The following CKAP5 variants were observed in gnomAD, a reference collection of about 807,000 sequenced individuals.
CKAP5 encodes cytoskeleton-associated protein 5.
Under a neutral mutation model 232.8 loss-of-function variants are expected in CKAP5, and 27 were observed. The observed-to-expected ratio is 0.12, with a 90% CI of 0.09 to 0.16. The LOEUF is 0.16. Among genes scored for constraint, CKAP5 ranks in the 10% least tolerant of loss-of-function variants. The probability of loss-of-function intolerance (pLI) is 1.00; values close to 1 mark genes in which losing one functional copy is unlikely to be tolerated. For synonymous variants in CKAP5, 785 were observed against 841.1 expected (o/e 0.93, Z 1.16); for missense variants, 1,838 against 2,424.7 (o/e 0.76, Z 5.08).
At chr11:46,790,370 A>G (rs1308208469) in intron 14 of CKAP5, 100 bp downstream of exon 14, 4 of 933,974 alleles carry the variant, frequency 4.3e-6, no homozygotes, top group Non-Finnish European at 6.7e-6. Context: ...AAAAATATCA[A>G]TTAACTGTAC....
Position 46,770,875 on chromosome 11 carries a change from A to G in CKAP5, c.3099T>C (p.Asp1033=), listed in dbSNP as rs762806555. The change falls in exon 25 of 44, where the codon GAT becomes GAC. Residue 1033 remains aspartate (D), a synonymous_variant. Transcript: ENST00000529230. ...LYSCLEDRNG[D]VRKKAQDALP... ...AGGCATCTTGGGCCTTCTTTCGCACATCTCCATTTCGATCTTCTAGGCAGG... is the reference window on the plus strand; with the variant it reads ...AGGCATCTTGGGCCTTCTTTCGCACGTCTCCATTTCGATCTTCTAGGCAGG... 16 of 1,614,050 alleles carry G rather than the reference A, an allele frequency of 9.9e-6. No individual in the cohort carries two copies. Among genetic ancestry groups the G allele is most frequent in the African/African-American group, 2.7e-5 (2 of 74,926 alleles).
At chr11:46,812,286 G>A (rs769890238) in intron 4 of CKAP5, among the ~76,000 whole-genome samples, 2 of 151,882 alleles carry the variant, frequency 1.3e-5, no homozygotes, top group Non-Finnish European at 2.9e-5. Flanking sequence ...AGCCGAGATC[G>A]CGCCACTGCA....
rs981194075 is a variant in CKAP5 at position 46,770,318 on chromosome 11, A to C, written c.3187-220T>G. 4 of 567,804 alleles carry C rather than the reference A, an allele frequency of 7.0e-6. No individual in the cohort carries two copies. In the African/African-American group the frequency reaches 7.5e-5, roughly 11 times the overall value. The allele number at this position is 567,804 out of a possible 1,614,324, so 35.2% of individuals were successfully genotyped here. Reference sequence around the variant, plus strand: ...GAAGGTCACAGTTTTCACCCCTGTGAGGTCAGCAGATTTTTACTTCTACAC... The same window carrying C: ...GAAGGTCACAGTTTTCACCCCTGTGCGGTCAGCAGATTTTTACTTCTACAC... On this transcript the variant is annotated intron_variant, in intron 25 of 43. Coordinates refer to ENST00000529230, the MANE Select transcript of CKAP5 (RefSeq NM_001008938.4).
chr11:46,780,125 A>AC, intron 20 of CKAP5, 69 bp downstream of exon 20: 2 of 1,551,150 alleles, frequency 1.3e-6, no homozygotes, highest in Admixed American at 1.7e-5. Flanking sequence ...GCACCACTAC[A>AC]CCCAACAGTT....
At position 46,795,668 on chromosome 11, in the gene CKAP5, C is replaced by A. The variant is rs1261661496; in HGVS notation, c.1576G>T (p.Ala526Ser). Residue 526 changes from alanine to serine, a missense_variant, in exon 13 of 44, where the codon GCT (alanine) becomes TCT (serine). Ala to Ser is a moderately conservative substitution (Grantham distance 99, BLOSUM62 1). Around this residue, in one of 6 missense-constraint regions of CKAP5, gnomAD observed 767 missense variants for 954.6 expected, o/e 0.80. Coordinates refer to ENST00000529230, the MANE Select transcript of CKAP5 (RefSeq NM_001008938.4). ...PLPGRTAASG[A>S]AGDKDTKDIS... ...TCCTTTGTGTCCTTATCTCCTGCAG[C>A]CCCTGAAGCAGCAGTCCTTCCAGGC... 6.2e-7 allele frequency: 1 copy of A among 1,614,008 alleles called. No individual in the cohort carries two copies. Among genetic ancestry groups the A allele is most frequent in the Non-Finnish European group, 8.5e-7 (1 of 1,180,014 alleles).
In CKAP5 at chr11:46,762,852, A is replaced by C. The variant is rs534195155; in HGVS notation, c.3892-90T>G. 4 of 1,475,674 alleles carry C rather than the reference A, an allele frequency of 2.7e-6. No individual in the cohort carries two copies. In the East Asian group the frequency reaches 9.1e-5, roughly 33 times the overall value. The allele number at this position is 1,475,674 out of a possible 1,614,324, so 91.4% of individuals were successfully genotyped here. A position where few individuals can be genotyped will look rare whatever the true frequency, so the allele number is the denominator to read the frequency against. ...ATTACTATGTTTTGAAAGAATAGGG[A>C]AATAGGGATAAGTAGGGAAGGTACC... On this transcript the variant is annotated intron_variant, in intron 30 of 43. Coordinates refer to ENST00000529230, the MANE Select transcript of CKAP5 (RefSeq NM_001008938.4).
At chr11:46,827,345 C>A (rs767183421) in intron 1 of CKAP5, among the ~76,000 whole-genome samples, 2 of 152,130 alleles carry the variant, frequency 1.3e-5, no homozygotes, top group African/African-American at 2.4e-5. Context: ...CACCTTTTCA[C>A]GGAATTCGTT....
intron 9 of CKAP5, among the ~76,000 whole-genome samples, chr11:46,799,388 T>C (rs557528064): frequency 6.6e-6 from 1 of 152,304 alleles, no homozygotes; most frequent in South Asian, 2.1e-4. Flanking sequence ...TCAAGGACTA[T>C]GGTTCCCATG....
intron 4 of CKAP5, among the ~76,000 whole-genome samples, chr11:46,815,341 C>A (rs1939372694): frequency 6.6e-6 from 1 of 151,998 alleles, no homozygotes; most frequent in African/African-American, 2.4e-5. Flanking sequence ...AGCCACTGAG[C>A]CTGGCCATAT....
chr11:46,797,250 C>T (rs1938898973), intron 11 of CKAP5, among the ~76,000 whole-genome samples: 1 of 151,988 alleles, frequency 6.6e-6, no homozygotes, highest in Non-Finnish European at 1.5e-5. Flanking sequence ...GCCTATAATC[C>T]CAGCTACTCA....
intron 24 of CKAP5, among the ~76,000 whole-genome samples, chr11:46,775,184 A>G (rs2065280564): frequency 6.6e-6 from 1 of 152,248 alleles, no homozygotes; most frequent in African/African-American, 2.4e-5. Context: ...GAAGGATATG[A>G]ACAGAAACTT....
At chr11:46,772,569 G>A (rs1361693322) in intron 24 of CKAP5, among the ~76,000 whole-genome samples, 1 of 152,038 alleles carries the variant, frequency 6.6e-6, no homozygotes, top group Non-Finnish European at 1.5e-5. Context: ...ACTTATTTTT[G>A]TAGCTTTGTA....
chr11:46,790,004 C>T lies in CKAP5; in HGVS notation c.1875+72G>A, dbSNP rs564396379. 43 of 979,762 alleles carry T rather than the reference C, an allele frequency of 4.4e-5. No individual in the cohort carries two copies. In the South Asian group the frequency reaches 5.9e-4, roughly 13 times the overall value. 60.7% of individuals were successfully genotyped at this position (979,762 alleles called of 1,614,324 possible). On this transcript the variant is annotated intron_variant, in intron 15 of 43. Coordinates refer to ENST00000529230, the MANE Select transcript of CKAP5 (RefSeq NM_001008938.4). ...TAAAACACAGCAATTAGGACAAATC[C>T]TTCATTCATCAATTTCGCTGCTTCC...
At chr11:46,817,168 G>T (rs1353813124) in intron 3 of CKAP5, among the ~76,000 whole-genome samples, 1 of 151,514 alleles carries the variant, frequency 6.6e-6, no homozygotes, top group East Asian at 1.9e-4. Flanking sequence ...CAGTTGGAGT[G>T]CAGTGGTGGG....
rs748763979 is a variant in CKAP5, at chr11:46,792,238, C to CA, written c.1651-1656dup. 2.6e-5 allele frequency among the ~76,000 whole-genome samples: 4 copies of CA among 152,212 alleles called. No homozygotes were observed. In the South Asian group the frequency reaches 6.2e-4, roughly 24 times the overall value. On this transcript the variant is annotated intron_variant, in intron 13 of 43. Coordinates refer to ENST00000529230, the MANE Select transcript of CKAP5 (RefSeq NM_001008938.4). ...TCTTTTTGTTGTTGTTAACAGACATCAATTTTTATTTATTAATTGACAGAT... is the reference window on the plus strand; with the variant it reads ...TCTTTTTGTTGTTGTTAACAGACATCAAATTTTTATTTATTAATTGACAGAT...
chr11:46,799,162 T>A (rs1331505712), intron 9 of CKAP5, among the ~76,000 whole-genome samples: 2 of 151,722 alleles, frequency 1.3e-5, no homozygotes, highest in Non-Finnish European at 2.9e-5. Context: ...CCACACCTGC[T>A]ATTTTTTTTT....
intron 22 of CKAP5, 71 bp downstream of exon 22, chr11:46,778,068 C>A: frequency 1.5e-6 from 2 of 1,304,444 alleles, no homozygotes; most frequent in Non-Finnish European, 2.1e-6. Context: ...CAAGTGAAGG[C>A]TACACTGAAA....
chr11:46,797,977 A>G lies in CKAP5; in HGVS notation c.1174-8T>C, dbSNP rs773349169. ...GATGTTCTGTAGTGTGGTCTTTAGA[A>G]AGAAAATGTGGTTAATGAGCTTTTT... On this transcript the variant is annotated splice_region_variant and splice_polypyrimidine_tract_variant and intron_variant, in intron 10 of 43. Coordinates refer to ENST00000529230, the MANE Select transcript of CKAP5 (RefSeq NM_001008938.4). 3.5e-5 allele frequency: 56 copies of G among 1,609,476 alleles called. No homozygotes were observed. The highest frequency in any genetic ancestry group is 4.1e-5 in the Non-Finnish European group (48 of 1,178,658).
chr11:46,828,932 G>A (rs1939715110), intron 1 of CKAP5, among the ~76,000 whole-genome samples: 1 of 152,100 alleles, frequency 6.6e-6, no homozygotes, highest in African/African-American at 2.4e-5. Flanking sequence ...AGAAAGTTCT[G>A]GAGATCTGTT....
Sources: allele counts gnomAD v4.1 joint callset (sites outside exome capture counted in the v4.1 genomes callset), GRCh38; gene constraint gnomAD v4.1.1; regional missense constraint gnomAD v4.1.1; transcripts MANE v1.5; gene names NCBI Gene and HGNC (gene_info 2026-07-23, HGNC 2026-07-21).